The following DLGAP2 variants were observed in gnomAD, a reference collection of about 807,000 sequenced individuals.
DLGAP2 encodes DLG associated protein 2, also known as disks large-associated protein 2.
A neutral mutation model predicts 100.3 loss-of-function variants in DLGAP2; 26 were observed. The observed-to-expected ratio is 0.26, with a 90% CI of 0.19 to 0.36. The LOEUF (loss-of-function observed/expected upper bound fraction) is 0.36. DLGAP2 is among the 10% of genes least tolerant of loss of function. DLGAP2 has a pLI of 1.00. For missense variants in DLGAP2, 1,858 were observed against 1,453.2 expected, an observed-to-expected ratio of 1.28 and a Z score of -4.53; for synonymous variants, 886 against 630.1, an observed-to-expected ratio of 1.41 and a Z score of -6.08.
chr8:1,252,932 G>A (rs570917331), intron 2 of DLGAP2, among the ~76,000 whole-genome samples: 6 of 152,328 alleles, frequency 3.9e-5, no homozygotes, highest in African/African-American at 4.8e-5. Context: ...GACAGAGGAC[G>A]GGGGAGGCAA....
intron 2 of DLGAP2, among the ~76,000 whole-genome samples, chr8:928,855 G>A (rs147824064): frequency 1.4e-4 from 22 of 152,118 alleles, no homozygotes; most frequent in African/African-American, 4.3e-4. Context: ...CACTGAGGCC[G>A]TAAGTGGGTG....
At chr8:795,734 G>C (rs1443663150) in intron 1 of DLGAP2, among the ~76,000 whole-genome samples, 26 of 146,582 alleles carry the variant, frequency 1.8e-4, no homozygotes, top group African/African-American at 4.8e-4. Flanking sequence ...GTGAGAGCAG[G>C]CGTCCAGTGA....
chr8:1,647,827 A>T (rs1798077450), intron 8 of DLGAP2, among the ~76,000 whole-genome samples: 1 of 152,156 alleles, frequency 6.6e-6, no homozygotes, highest in Non-Finnish European at 1.5e-5. Flanking sequence ...TGGAGGCTGG[A>T]AGTCTGGGGT....
At chr8:1,470,180 G>T (rs1468306502) in intron 3 of DLGAP2, among the ~76,000 whole-genome samples, 1 of 151,970 alleles carries the variant, frequency 6.6e-6, no homozygotes, top group African/African-American at 2.4e-5. Flanking sequence ...AGCCTCAGTT[G>T]TGGCTGCTGA....
intron 6 of DLGAP2, among the ~76,000 whole-genome samples, chr8:1,583,720 A>T (rs538223404): frequency 1.3e-5 from 2 of 151,834 alleles, no homozygotes; most frequent in Admixed American, 1.3e-4. Flanking sequence ...AGCTCCTAGC[A>T]CCTCTCGGCC....
chr8:742,493 G>C (rs1328347731), intron 1 of DLGAP2, among the ~76,000 whole-genome samples: 2 of 152,152 alleles, frequency 1.3e-5, no homozygotes, highest in Non-Finnish European at 2.9e-5. Flanking sequence ...TGTTTGTCCT[G>C]TGACTTTTGC....
At chr8:1,573,742 A>C (rs1156591766) in intron 6 of DLGAP2, among the ~76,000 whole-genome samples, 1 of 152,086 alleles carries the variant, frequency 6.6e-6, no homozygotes, top group Non-Finnish European at 1.5e-5. Flanking sequence ...GTTTTATTGG[A>C]ATGTGGCCCG....
At chr8:1,501,866 G>T (rs893552998) in intron 4 of DLGAP2, among the ~76,000 whole-genome samples, 3 of 152,136 alleles carry the variant, frequency 2.0e-5, no homozygotes, top group Admixed American at 6.5e-5. Flanking sequence ...ATGACTGTGC[G>T]CTTCCTTCCA....
intron 8 of DLGAP2, among the ~76,000 whole-genome samples, chr8:1,636,560 C>G (rs1241978575): frequency 6.6e-6 from 1 of 152,148 alleles, no homozygotes; most frequent in Non-Finnish European, 1.5e-5. Context: ...GCTGACCTTC[C>G]TCAGTTTGAA....
chr8:1,182,268 A>C (rs181551791), intron 2 of DLGAP2, among the ~76,000 whole-genome samples: 2 of 152,362 alleles, frequency 1.3e-5, no homozygotes, highest in East Asian at 3.9e-4. Context: ...TGTTTTGGAC[A>C]AATGGAGAAA....
intron 2 of DLGAP2, among the ~76,000 whole-genome samples, chr8:1,234,831 G>A (rs146136642): frequency 3.3e-5 from 5 of 152,298 alleles, no homozygotes; most frequent in South Asian, 2.1e-4. Flanking sequence ...ACGGCGTCAC[G>A]TCAGGAGTGA....
chr8:1,526,002 T>C (rs190835226), intron 4 of DLGAP2, among the ~76,000 whole-genome samples: 2 of 152,212 alleles, frequency 1.3e-5, no homozygotes, highest in African/African-American at 4.8e-5. Context: ...CATTACATAC[T>C]TGCCAAGTGA....
At chr8:1,314,986 G>A (rs918973639) in intron 3 of DLGAP2, among the ~76,000 whole-genome samples, 2 of 152,242 alleles carry the variant, frequency 1.3e-5, no homozygotes, top group African/African-American at 4.8e-5. Flanking sequence ...GCAGTTCTAA[G>A]CCGCCGTTGC....
intron 3 of DLGAP2, among the ~76,000 whole-genome samples, chr8:1,408,783 A>G (rs1796646631): frequency 6.6e-6 from 1 of 152,102 alleles, no homozygotes; most frequent in South Asian, 2.1e-4. Context: ...TCTACCACCA[A>G]GAGACCCTTC....
intron 3 of DLGAP2, among the ~76,000 whole-genome samples, chr8:1,274,587 G>C (rs891179590): frequency 1.4e-5 from 2 of 144,852 alleles, no homozygotes; most frequent in African/African-American, 2.6e-5. Flanking sequence ...CTTTGGATTT[G>C]TTTTAGAACA....
At chr8:1,636,407 TAG>T in intron 8 of DLGAP2, among the ~76,000 whole-genome samples, 1 of 152,232 alleles carries the variant, frequency 6.6e-6, no homozygotes, top group African/African-American at 2.4e-5. Flanking sequence ...CAAGGGTACA[TAG>T]TAATTCCATT....
At chr8:1,279,967 T>C (rs892921993) in intron 3 of DLGAP2, among the ~76,000 whole-genome samples, 93 of 152,204 alleles carry the variant, frequency 6.1e-4, no homozygotes, top group African/African-American at 2.2e-3. Context: ...GCCTATGTTG[T>C]GTCTACTGTA....
At chr8:1,343,248 C>T (rs370791705) in intron 3 of DLGAP2, among the ~76,000 whole-genome samples, 20 of 152,252 alleles carry the variant, frequency 1.3e-4, no homozygotes, top group South Asian at 1.0e-3. Flanking sequence ...GTGAGAGGTG[C>T]GCAGGGCAGG....
chr8:1,407,465 C>G (rs554847156), intron 3 of DLGAP2, among the ~76,000 whole-genome samples: 127 of 144,344 alleles, frequency 8.8e-4, no homozygotes, highest in Middle Eastern at 8.5e-3. Context: ...GCGCCACCTC[C>G]TCATCCTCCA....
Sources: allele counts gnomAD v4.1 joint callset (sites outside exome capture counted in the v4.1 genomes callset), GRCh38; gene constraint gnomAD v4.1.1; transcripts MANE v1.5; gene names NCBI Gene and HGNC (gene_info 2026-07-23, HGNC 2026-07-21).